The following WNT7A variants were observed in gnomAD, a reference collection of about 807,000 sequenced individuals.
WNT7A encodes Wnt family member 7A.
Under a neutral mutation model 28.2 loss-of-function variants are expected in WNT7A, and 16 were observed. That is an observed-to-expected ratio of 0.57 (90% CI 0.38 to 0.86). WNT7A has a LOEUF of 0.86. WNT7A is among the 40% of genes least tolerant of loss of function. The probability of loss-of-function intolerance (pLI) is 0.00; values close to 1 mark genes in which losing one functional copy is unlikely to be tolerated. For missense variants in WNT7A, 411 were observed against 489.7 expected (o/e 0.84, Z 1.52); for synonymous variants, 190 against 195.9 (o/e 0.97, Z 0.25).
intron 2 of WNT7A, among the ~76,000 whole-genome samples, chr3:13,855,638 G>T (rs562298475): frequency 2.0e-5 from 3 of 152,140 alleles, no homozygotes; most frequent in Non-Finnish European, 2.9e-5. Context: ...CTGCCACCTC[G>T]CCTCTTAGCC....
intron 3 of WNT7A, among the ~76,000 whole-genome samples, chr3:13,838,201 A>G (rs181775188): frequency 1.7e-4 from 26 of 152,296 alleles, no homozygotes; most frequent in Admixed American, 1.4e-3. Flanking sequence ...TCTGAGCTAC[A>G]AGGAGCTGCT....
chr3:13,837,112 A>G (rs1485435834), intron 3 of WNT7A, among the ~76,000 whole-genome samples: 1 of 151,926 alleles, frequency 6.6e-6, no homozygotes, highest in Non-Finnish European at 1.5e-5. Context: ...TGATGAGAAC[A>G]CCATCCTCTG....
At chr3:13,868,794 G>C (rs1694971552) in intron 2 of WNT7A, among the ~76,000 whole-genome samples, 1 of 33,592 alleles carries the variant, frequency 3.0e-5, no homozygotes, top group South Asian at 2.1e-3. Flanking sequence ...GGAAGGAAGG[G>C]AGAGAGAGAG....
In WNT7A at chr3:13,830,030, G is replaced by A. The variant is rs1694252583; in HGVS notation, c.571-10607C>T. On this transcript the variant is annotated intron_variant, in intron 3 of 3. Coordinates refer to ENST00000285018, the MANE Select transcript of WNT7A (RefSeq NM_004625.4). ...CATGGCAACCCCAGGGCATCTTTAA[G>A]CAGCCCCTGCAATGGCTGCCTTTGT... Among the ~76,000 whole-genome samples the A allele has an allele frequency of 2.0e-5, 3 of 152,114 alleles. 1 individual carries two copies. The highest frequency in any genetic ancestry group is 1.3e-4 in the Admixed American group (2 of 15,280).
intron 3 of WNT7A, among the ~76,000 whole-genome samples, chr3:13,853,609 G>A (rs1694676579): frequency 4.6e-5 from 7 of 152,178 alleles, no homozygotes; most frequent in Admixed American, 4.6e-4. Context: ...ACTGAGATTG[G>A]TCTTACAGCC....
At chr3:13,856,470 G>A (rs1694731223) in intron 2 of WNT7A, among the ~76,000 whole-genome samples, 1 of 152,212 alleles carries the variant, frequency 6.6e-6, no homozygotes, top group South Asian at 2.1e-4. Context: ...TATTATTTTA[G>A]CACCTACCGG....
chr3:13,830,182 C>T (rs6778046), intron 3 of WNT7A, among the ~76,000 whole-genome samples: 106,098 of 151,892 alleles, frequency 0.7, 38,251 homozygotes, highest in East Asian at 0.9. Flanking sequence ...TCCTGAACCT[C>T]CTCCAAAAAG....
At chr3:13,872,120 G>C (rs928913688) in intron 2 of WNT7A, among the ~76,000 whole-genome samples, 7 of 152,138 alleles carry the variant, frequency 4.6e-5, no homozygotes, top group Non-Finnish European at 2.9e-5. Flanking sequence ...ACACACACTG[G>C]AACAGGAGCC....
intron 3 of WNT7A, among the ~76,000 whole-genome samples, chr3:13,823,373 G>A (rs976189855): frequency 2.0e-5 from 3 of 152,168 alleles, no homozygotes; most frequent in Admixed American, 1.3e-4. Flanking sequence ...CAGCCGGTGC[G>A]CAGAAAATGC....
chr3:13,850,104 T>C (rs1484267976), intron 3 of WNT7A, among the ~76,000 whole-genome samples: 1 of 152,254 alleles, frequency 6.6e-6, no homozygotes, highest in Non-Finnish European at 1.5e-5. Context: ...GCTGCAAGCC[T>C]TTCCATTCGC....
intron 3 of WNT7A, among the ~76,000 whole-genome samples, chr3:13,829,170 G>A (rs967272520): frequency 6.6e-6 from 1 of 152,206 alleles, no homozygotes; most frequent in Non-Finnish European, 1.5e-5. Context: ...CTATGAGGCT[G>A]ACAAGGTGAC....
chr3:13,864,445 C>T (rs1031800289), intron 2 of WNT7A, among the ~76,000 whole-genome samples: 2 of 152,190 alleles, frequency 1.3e-5, no homozygotes, highest in African/African-American at 2.4e-5. Flanking sequence ...TGCCACTCCC[C>T]TTCCCCTCCT....
intron 3 of WNT7A, among the ~76,000 whole-genome samples, chr3:13,844,998 G>A (rs192033708): frequency 1.8e-4 from 28 of 152,318 alleles, no homozygotes; most frequent in East Asian, 7.7e-4. Flanking sequence ...CCCGGTGTGC[G>A]TCTTTTGACT....
In WNT7A at chr3:13,861,142, C is replaced by T. The variant is rs1216162256; in HGVS notation, c.299-6339G>A. On this transcript the variant is annotated intron_variant, in intron 2 of 3. Coordinates refer to ENST00000285018, the MANE Select transcript of WNT7A (RefSeq NM_004625.4). ...GGTTTTGAAAACCATTCCAGTCCTA[C>T]TGACTCCAGGCCTACATTCTTGCCC... 4.6e-5 allele frequency among the ~76,000 whole-genome samples: 7 copies of T among 152,218 alleles called. No homozygotes were observed. The East Asian group carries it at 1.3e-3, about 29-fold the overall frequency.
At chr3:13,869,177 TGGAA>T (rs1180370018) in intron 2 of WNT7A, among the ~76,000 whole-genome samples, 24 of 78,162 alleles carry the variant, frequency 3.1e-4, no homozygotes, top group African/African-American at 1.2e-3. Flanking sequence ...AAAGAGAGAA[TGGAA>T]GGAAGGAAGC....
chr3:13,862,116 C>A (rs1029788924), intron 2 of WNT7A, among the ~76,000 whole-genome samples: 4 of 152,238 alleles, frequency 2.6e-5, no homozygotes, highest in Non-Finnish European at 5.9e-5. Flanking sequence ...GAAGTGGGAA[C>A]CCTTAGGAGG....
Position 13,854,571 on chromosome 3 carries a change from C to T in WNT7A, c.531G>A (p.Arg177=), listed in dbSNP as rs201829729. Residue 177 remains arginine (R), a synonymous_variant, in exon 3 of 4, where the codon CGG becomes CGA. Coordinates refer to ENST00000285018, the MANE Select transcript of WNT7A (RefSeq NM_004625.4). ...CGTTGTTGTGCAAGTTCATGAGAGT[C>T]CGGGCATTCTGCTTGATCTCCCGGG... ...VDAREIKQNA[R]TLMNLHNNEA... The T allele has an allele frequency of 5.0e-5, 81 of 1,614,066 alleles. No homozygotes were observed. The highest frequency in any genetic ancestry group is 6.3e-5 in the Non-Finnish European group (74 of 1,180,052).
intron 3 of WNT7A, among the ~76,000 whole-genome samples, chr3:13,833,637 G>A (rs1334951414): frequency 6.6e-6 from 1 of 152,232 alleles, no homozygotes; most frequent in Non-Finnish European, 1.5e-5. Context: ...GTTGACTACG[G>A]GGCAGGGGTT....
At chr3:13,853,540 C>G (rs1694675019) in intron 3 of WNT7A, among the ~76,000 whole-genome samples, 1 of 152,224 alleles carries the variant, frequency 6.6e-6, no homozygotes, top group African/African-American at 2.4e-5. Context: ...CTTCCACCTC[C>G]TTTCCCTGCC....
Sources: allele counts gnomAD v4.1 joint callset (sites outside exome capture counted in the v4.1 genomes callset), GRCh38; gene constraint gnomAD v4.1.1; transcripts MANE v1.5; gene names NCBI Gene and HGNC (gene_info 2026-07-23, HGNC 2026-07-21).